ICE2: variants seen among roughly 807,000 people sequenced by gnomAD.
ICE2 encodes interactor of little elongation complex ELL subunit 2.
ICE2 carries 87 observed loss-of-function variants against 105.4 expected under a neutral mutation model. The observed-to-expected ratio is 0.83, with a 90% CI of 0.69 to 0.99. The LOEUF (loss-of-function observed/expected upper bound fraction) is 0.99, where lower values mean the gene tolerates loss of function less well. ICE2 is among the 50% of genes least tolerant of loss of function. The probability of loss-of-function intolerance (pLI) is 0.00; values close to 1 mark genes in which losing one functional copy is unlikely to be tolerated. For missense variants in ICE2, 1,323 were observed against 1,146.7 expected (o/e 1.15, Z -2.22); for synonymous variants, 399 against 392.0 (o/e 1.02, Z -0.21).
In ICE2 at chr15:60,455,451, G is replaced by GAA; in HGVS notation, c.667-11_667-10dup. 6.5e-7 allele frequency: 1 copy of GAA among 1,529,006 alleles called. No homozygotes were observed. The highest frequency in any genetic ancestry group is 8.9e-7 in the Non-Finnish European group (1 of 1,120,886). 94.7% of individuals were successfully genotyped at this position (1,529,006 alleles called of 1,614,324 possible). ...ACATATTTTACACTGCCCTAAATAT[G>GAA]AAAAAAAAATCATTTTATTGCAAAA... On this transcript the variant is annotated splice_polypyrimidine_tract_variant and intron_variant, in intron 6 of 15. Transcript: ENST00000261520.
chr15:60,437,692 C>T (rs1340928028), intron 12 of ICE2: 1 of 151,938 alleles, frequency 6.6e-6, no homozygotes, highest in Non-Finnish European at 1.5e-5. Flanking sequence ...TGCTCTGTCT[C>T]CTGGGCTGGA....
intron 5 of ICE2, among the ~76,000 whole-genome samples, chr15:60,465,495 A>G (rs1284225703): frequency 6.6e-6 from 1 of 152,180 alleles, no homozygotes; most frequent in Non-Finnish European, 1.5e-5. Context: ...ACTTTTTAAA[A>G]AAACAGTGAA....
intron 3 of ICE2, among the ~76,000 whole-genome samples, chr15:60,471,469 C>T (rs1040630553): frequency 8.5e-5 from 13 of 152,192 alleles, no homozygotes; most frequent in African/African-American, 1.2e-4. Flanking sequence ...ACATGTCCGT[C>T]CTTGTGCCAC....
At chr15:60,444,474 A>G (rs531962935) in intron 11 of ICE2, among the ~76,000 whole-genome samples, 1 of 152,168 alleles carries the variant, frequency 6.6e-6, no homozygotes, top group East Asian at 1.9e-4. Context: ...AAAGTTTACT[A>G]TTTTTTTCCC....
chr15:60,424,794 C>T (rs2063305208), intron 15 of ICE2, among the ~76,000 whole-genome samples: 2 of 152,218 alleles, frequency 1.3e-5, no homozygotes, highest in African/African-American at 4.8e-5. Flanking sequence ...GCATGAGCCA[C>T]CGCGCCCAGC....
intron 5 of ICE2, among the ~76,000 whole-genome samples, chr15:60,464,492 AACAG>A (rs1377003977): frequency 2.6e-5 from 4 of 152,208 alleles, no homozygotes; most frequent in African/African-American, 4.8e-5. Flanking sequence ...GTGACATCTG[AACAG>A]ACAGAGACCT....
chr15:60,466,500 G>A, intron 5 of ICE2, 94 bp downstream of exon 5: 1 of 1,434,598 alleles, frequency 7.0e-7, no homozygotes, highest in Non-Finnish European at 9.5e-7. Context: ...AACACTGACA[G>A]TTCCGAATGC....
chr15:60,451,508 C>G lies in ICE2; in HGVS notation c.1126-1667G>C. On this transcript the variant is annotated intron_variant, in intron 9 of 15. Coordinates refer to ENST00000261520, the MANE Select transcript of ICE2 (RefSeq NM_024611.6). ...TTCCAAATTGTTGGACCACAGAAAT[C>G]AAAATAATTCCAGAACACTTAGCAA... 3.0e-6 allele frequency: 3 copies of G among 984,764 alleles called. 1 individual carries two copies. The highest frequency in any genetic ancestry group is 3.6e-6 in the Non-Finnish European group (3 of 829,414). The allele number at this position is 984,764 out of a possible 1,614,324, so 61.0% of individuals were successfully genotyped here.
chr15:60,436,650 G>A (rs946757922), intron 12 of ICE2, among the ~76,000 whole-genome samples: 6 of 145,402 alleles, frequency 4.1e-5, no homozygotes, highest in Admixed American at 7.1e-5. Context: ...GGGAGGCAGA[G>A]CTTGCAGCAG....
intron 5 of ICE2, among the ~76,000 whole-genome samples, chr15:60,464,730 T>C (rs1408203262): frequency 2.0e-5 from 3 of 152,102 alleles, no homozygotes; most frequent in Non-Finnish European, 2.9e-5. Context: ...TGTAGAACTT[T>C]GTAAAGACTC....
chr15:60,442,984 A>G (rs2141038190), intron 11 of ICE2: 1 of 152,946 alleles, frequency 6.5e-6, no homozygotes, highest in East Asian at 1.9e-4. Flanking sequence ...CCTTTAAAGC[A>G]TGAGTCACAT....
In ICE2 at chr15:60,449,067, G is replaced by T; in HGVS notation, c.1900C>A (p.Pro634Thr). 2 of 1,613,400 alleles carry T rather than the reference G, an allele frequency of 1.2e-6. No homozygotes were observed. Among genetic ancestry groups the T allele is most frequent in the Non-Finnish European group, 1.7e-6 (2 of 1,179,676 alleles). The change falls in exon 10 of 16, where the codon CCT becomes ACT. Residue 634 changes from proline to threonine, a missense_variant. By Grantham distance (38) the Pro-to-Thr change is conservative (BLOSUM62 -1). Coordinates refer to ENST00000261520, the MANE Select transcript of ICE2 (RefSeq NM_024611.6). ...AATTTTTTATATACTCGTTTGATAG[G>T]TTTTTTTAAAACACATGACTCTTCA... The part of the protein sequence containing the change: ...SPEESCVLKK[P>T]IKRVYKKFDP...
rs1290024113 is a variant in ICE2, at chr15:60,431,998, G to C, written c.2511-14C>G. The C allele has an allele frequency of 7.3e-7, 1 of 1,367,082 alleles. No individual in the cohort carries two copies. The highest frequency in any genetic ancestry group is 1.0e-6 in the Non-Finnish European group (1 of 974,648). 84.7% of individuals were successfully genotyped at this position (1,367,082 alleles called of 1,614,324 possible). On this transcript the variant is annotated splice_polypyrimidine_tract_variant and intron_variant, in intron 13 of 15. Coordinates refer to ENST00000261520, the MANE Select transcript of ICE2 (RefSeq NM_024611.6). ...AAATTGGAAATCCTGATAAACAAAA[G>C]AAATTCATGTAAAATTAAACTGCAA...
intron 12 of ICE2, among the ~76,000 whole-genome samples, chr15:60,437,541 G>T (rs1185701633): frequency 6.6e-6 from 1 of 151,746 alleles, no homozygotes; most frequent in Non-Finnish European, 1.5e-5. Flanking sequence ...TCATGTTGGC[G>T]AGGCTGGTCT....
In ICE2 at chr15:60,451,447, AAAC is replaced by A. The variant is rs1417999818; in HGVS notation, c.1126-1609_1126-1607del. On this transcript the variant is annotated intron_variant, in intron 9 of 15. Coordinates refer to ENST00000261520, the MANE Select transcript of ICE2 (RefSeq NM_024611.6). ...AGATATCATTAAGAAAAATGTAAACAAACAATAAACTCAAGCACTTCAAAATTT... is the reference window on the plus strand; with the variant it reads ...AGATATCATTAAGAAAAATGTAAACAAATAAACTCAAGCACTTCAAAATTT... 3.1e-6 allele frequency: 3 copies of A among 980,330 alleles called. No individual in the cohort carries two copies. The African/African-American group carries it at 5.3e-5, about 17-fold the overall frequency. The allele number at this position is 980,330 out of a possible 1,614,324, so 60.7% of individuals were successfully genotyped here.
intron 5 of ICE2, among the ~76,000 whole-genome samples, chr15:60,460,773 G>A (rs888850142): frequency 2.0e-5 from 3 of 152,108 alleles, no homozygotes; most frequent in Non-Finnish European, 4.4e-5. Flanking sequence ...AGTTGAAAAT[G>A]ACTATGCTAG....
chr15:60,451,789 C>T (rs984174022), intron 9 of ICE2: 31 of 206,510 alleles, frequency 1.5e-4, no homozygotes, highest in Non-Finnish European at 2.5e-4. Flanking sequence ...TCCCCCTAGT[C>T]CTATGATGCT....
rs866519078 is a variant in ICE2, at chr15:60,422,643, C to A, written c.*991G>T. 6.6e-6 allele frequency: 1 copy of A among 151,318 alleles called. No homozygotes were observed. Among genetic ancestry groups the A allele is most frequent in the Non-Finnish European group, 1.5e-5 (1 of 67,922 alleles). 9.4% of individuals were successfully genotyped at this position (151,318 alleles called of 1,614,324 possible). On this transcript the variant is annotated 3_prime_UTR_variant, in exon 16 of 16. Transcript: ENST00000261520. ...CAAGGTCAGGAGTTTGAGACCAGCC[C>A]GGCCAACATGGTAACACCCTGTCTC...
chr15:60,467,145 T>C (rs2064453748), intron 4 of ICE2, among the ~76,000 whole-genome samples: 1 of 152,132 alleles, frequency 6.6e-6, no homozygotes, highest in South Asian at 2.1e-4. Flanking sequence ...GTATTTTTAG[T>C]AGAGATGGGG....
Sources: allele counts gnomAD v4.1 joint callset (sites outside exome capture counted in the v4.1 genomes callset), GRCh38; gene constraint gnomAD v4.1.1; transcripts MANE v1.5; gene names NCBI Gene and HGNC (gene_info 2026-07-23, HGNC 2026-07-21).